HOXB3: variants seen among roughly 807,000 people sequenced by gnomAD.
HOXB3 encodes homeobox B3.
Under a neutral mutation model 29.2 loss-of-function variants are expected in HOXB3, and 17 were observed. The ratio of observed to expected loss-of-function variants is 0.58; its 90% confidence interval spans 0.40 to 0.87. The LOEUF (loss-of-function observed/expected upper bound fraction) is 0.87, where lower values mean the gene tolerates loss of function less well. Ranked by LOEUF, HOXB3 falls within the 40% of genes least tolerant of loss-of-function variation. The pLI, the probability that HOXB3 is intolerant of heterozygous loss-of-function variation, is 0.00. For synonymous variants in HOXB3, 317 were observed against 285.9 expected (o/e 1.11, Z -1.10); for missense variants, 637 against 616.3 (o/e 1.03, Z -0.35).
rs892779035 is a variant in HOXB3 at position 48,549,400 on chromosome 17, C to T, written c.*934G>A. 3 of 152,270 alleles carry T rather than the reference C, an allele frequency of 2.0e-5. No homozygotes were observed. The highest frequency in any genetic ancestry group is 4.4e-5 in the Non-Finnish European group (3 of 67,998). 9.4% of individuals were successfully genotyped at this position (152,270 alleles called of 1,614,324 possible). ...AAATTCTAAGTGCAACAAAAGTGTC[C>T]TGTCAGGAGGCTGAGCAAGGCACAC... is the stretch of plus-strand genomic sequence containing the variant. On this transcript the variant is annotated 3_prime_UTR_variant, in exon 5 of 5. Coordinates refer to ENST00000498678, the MANE Select transcript of HOXB3 (RefSeq NM_001384749.1).
At chr17:48,578,170 C>G (rs755229802) in intron 1 of HOXB3, 1 of 1,608,762 alleles carries the variant, frequency 6.2e-7, no homozygotes, top group Non-Finnish European at 8.5e-7. Flanking sequence ...AGCCCGCCTC[C>G]GGCTGGAAGC....
rs1481912552 is a variant in HOXB3 at position 48,550,589 on chromosome 17, C to T, written c.1041G>A (p.Gln347=). 2.6e-6 allele frequency: 4 copies of T among 1,525,106 alleles called. No homozygotes were observed. The highest frequency in any genetic ancestry group is 3.5e-6 in the Non-Finnish European group (4 of 1,143,644). The allele number at this position is 1,525,106 out of a possible 1,614,324, so 94.5% of individuals were successfully genotyped here. ...CCCCGCCCACGTACACCGGACTGCC[C>T]TGCATGGTGGGCGTCCCGTAGGCGC... ...NGGAYGTPTM[Q]GSPVYVGGGG... The change falls in exon 5 of 5, where the codon CAG becomes CAA. Residue 347 remains glutamine (Q), a synonymous_variant. Transcript: ENST00000498678.
intron 1 of HOXB3, chr17:48,576,611 T>G: frequency 2.1e-6 from 2 of 936,950 alleles, no homozygotes; most frequent in East Asian, 2.7e-5. Flanking sequence ...GGAGGGCAGA[T>G]AGATTTTTCC....
chr17:48,589,336 C>A (rs1051820489), intron 1 of HOXB3, among the ~76,000 whole-genome samples: 1 of 152,186 alleles, frequency 6.6e-6, no homozygotes. Context: ...TACTTAAACA[C>A]CTAACACCTC....
In HOXB3 at chr17:48,550,464, G is replaced by A. The variant is rs1202205761; in HGVS notation, c.1166C>T (p.Ala389Val). The part of the protein sequence containing the change: ...HPSGNLDYNG[A>V]PPMAPSQHHG... The stretch of plus-strand genomic sequence containing the variant: ...GTGCTGGCTGGGCGCCATAGGGGGC[G>A]CCCCGTTGTAGTCCAGGTTCCCGGA... Residue 389 changes from alanine (A) to valine (V), a missense_variant, in exon 5 of 5, where the codon GCG (alanine) becomes GTG (valine). By Grantham distance (64) the Ala-to-Val change is moderately conservative. Transcript: ENST00000498678. The A allele has an allele frequency of 1.9e-6, 3 of 1,612,172 alleles. No homozygotes were observed. The highest frequency in any genetic ancestry group is 2.7e-5 in the African/African-American group (2 of 74,948).
At chr17:48,577,899 C>A in intron 1 of HOXB3, 1 of 1,377,944 alleles carries the variant, frequency 7.3e-7, no homozygotes, top group Non-Finnish European at 9.4e-7. Flanking sequence ...CAGGGGTAGA[C>A]GACGGGCTCT....
intron 1 of HOXB3, chr17:48,576,516 G>GGC: frequency 2.5e-6 from 1 of 406,688 alleles, no homozygotes; most frequent in Non-Finnish European, 4.3e-6. Flanking sequence ...TTCTGGGGGG[G>GGC]CCTCCCCGTG....
chr17:48,568,307 T>G (rs376978301), intron 2 of HOXB3, among the ~76,000 whole-genome samples: 3 of 152,352 alleles, frequency 2.0e-5, no homozygotes, highest in East Asian at 3.9e-4. Context: ...TATTAGACCA[T>G]GGTCATTGAC....
At chr17:48,581,959 A>AC (rs771657262) in intron 1 of HOXB3, 2 of 152,224 alleles carry the variant, frequency 1.3e-5, no homozygotes, top group Non-Finnish European at 2.9e-5. Context: ...AAGGATACGA[A>AC]CAGCAACACG....
rs138843753 is a variant in HOXB3, at chr17:48,550,724, G to A, written c.906C>T (p.Tyr302=). The change falls in exon 5 of 5, where the codon TAC becomes TAT. Residue 302 remains tyrosine (Y), a synonymous_variant. Transcript: ENST00000498678. ...GGGGCTGGTAGTTGGAGGGCAGCGC[G>A]TAGGCATTCTGGTGGGCTTTACCGA... ...PAFGKAHQNA[Y]ALPSNYQPPL... is the part of the protein sequence containing the mutation. 15 of 1,572,084 alleles carry A rather than the reference G, an allele frequency of 9.5e-6. No individual in the cohort carries two copies. Among genetic ancestry groups the A allele is most frequent in the East Asian group, 2.3e-5 (1 of 44,436 alleles).
At chr17:48,564,125 G>A (rs2069297462) in intron 2 of HOXB3, among the ~76,000 whole-genome samples, 1 of 150,866 alleles carries the variant, frequency 6.6e-6, no homozygotes, top group Non-Finnish European at 1.5e-5. Flanking sequence ...GCCTGTCCCA[G>A]GAGAGAGGCC....
At chr17:48,564,737 A>G (rs1275515346) in intron 2 of HOXB3, among the ~76,000 whole-genome samples, 1 of 152,194 alleles carries the variant, frequency 6.6e-6, no homozygotes, top group Non-Finnish European at 1.5e-5. Context: ...TGGGTTCCAT[A>G]TGTCCGACCC....
chr17:48,554,881 G>C lies in HOXB3; in HGVS notation c.-159+650C>G, dbSNP rs1236773326. On this transcript the variant is annotated intron_variant, in intron 3 of 4. Transcript: ENST00000498678. This position sits in a 1 kb window ranked among gnomAD's most constrained non-coding sequence, Gnocchi z 4.1. ...GTGGGAAGAGAGAAAGGTGCTAAGGGGACCCAAGATCTGGGATCCAGAACA... is the reference window on the plus strand; with the variant it reads ...GTGGGAAGAGAGAAAGGTGCTAAGGCGACCCAAGATCTGGGATCCAGAACA... 1 of 697,484 alleles carries C rather than the reference G, an allele frequency of 1.4e-6. No individual in the cohort carries two copies. The highest frequency in any genetic ancestry group is 2.7e-5 in the East Asian group (1 of 37,186). The allele number at this position is 697,484 out of a possible 1,614,324, so 43.2% of individuals were successfully genotyped here. A position where few individuals can be genotyped will look rare whatever the true frequency, so the allele number is the denominator to read the frequency against.
At chr17:48,553,506 C>T (rs2068846055) in intron 3 of HOXB3, 1 of 150,776 alleles carries the variant, frequency 6.6e-6, no homozygotes, top group Admixed American at 6.6e-5. Flanking sequence ...CCTTCACCGT[C>T]TGTTTTCTTT....
chr17:48,582,371 ATT>A (rs2069965598), intron 1 of HOXB3: 1 of 151,968 alleles, frequency 6.6e-6, no homozygotes, highest in Non-Finnish European at 1.5e-5. Context: ...CCTGTCCACT[ATT>A]GTGTGTCCGG....
intron 2 of HOXB3, among the ~76,000 whole-genome samples, chr17:48,568,489 G>A (rs2069463405): frequency 6.6e-6 from 1 of 152,214 alleles, no homozygotes; most frequent in Non-Finnish European, 1.5e-5. Flanking sequence ...GAGCAGAGCA[G>A]AGAGGGAGGA....
Position 48,573,933 on chromosome 17 carries a change from G to A in HOXB3, c.-343C>T. 1 of 696,940 alleles carries A rather than the reference G, an allele frequency of 1.4e-6. No individual in the cohort carries two copies. Among genetic ancestry groups the A allele is most frequent in the East Asian group, 2.7e-5 (1 of 37,234 alleles). 43.2% of individuals were successfully genotyped at this position (696,940 alleles called of 1,614,324 possible). On this transcript the variant is annotated 5_prime_UTR_variant, in exon 2 of 5. Coordinates refer to ENST00000498678, the MANE Select transcript of HOXB3 (RefSeq NM_001384749.1). Reference sequence around the variant, plus strand: ...GAGAGAAAAAAGTTTTCAACTTTATGGTTCCAAATTTTTTCCCCCTTGCAG... The same window carrying A: ...GAGAGAAAAAAGTTTTCAACTTTATAGTTCCAAATTTTTTCCCCCTTGCAG...
intron 1 of HOXB3, chr17:48,575,817 G>C (rs1233525433): frequency 2.0e-5 from 3 of 152,610 alleles, no homozygotes; most frequent in Non-Finnish European, 2.9e-5. Context: ...GTCTAGGAGA[G>C]AGGCTTCTGC....
At chr17:48,577,777 T>G in intron 1 of HOXB3, 10 of 1,212,126 alleles carry the variant, frequency 8.2e-6, no homozygotes, top group Non-Finnish European at 9.4e-6. Flanking sequence ...CTTCCCCAGC[T>G]CAACCCCCCC....
Sources: gnomAD v4.1 joint callset for allele counts (sites outside exome capture counted in the v4.1 genomes callset) on GRCh38, gnomAD v4.1.1 for gene constraint, Gnocchi (gnomAD v3.1) non-coding constraint, MANE v1.5 for transcripts, NCBI Gene and HGNC (gene_info 2026-07-23, HGNC 2026-07-21) for gene names.